Variants in GAB2 observed in about 807,000 individuals in gnomAD.
The protein encoded by GAB2 is GRB2 associated binding protein 2, also known as GRB2-associated-binding protein 2.
Under a neutral mutation model 65.5 loss-of-function variants are expected in GAB2, and 26 were observed. The ratio of observed to expected loss-of-function variants is 0.40; its 90% confidence interval spans 0.29 to 0.55. GAB2 has a LOEUF of 0.55. Ranked by LOEUF, GAB2 falls within the 20% of genes least tolerant of loss-of-function variation. The pLI is 0.53. For synonymous variants in GAB2, 321 were observed against 329.6 expected (o/e 0.97, Z 0.28); for missense variants, 884 against 875.8 (o/e 1.01, Z -0.12).
intron 1 of GAB2, among the ~76,000 whole-genome samples, chr11:78,313,536 T>C (rs1455315891): frequency 6.6e-6 from 1 of 152,210 alleles, no homozygotes; most frequent in Non-Finnish European, 1.5e-5. Flanking sequence ...CCAGGGATCA[T>C]GTGCAAGACC....
chr11:78,309,964 G>A (rs1254313181), intron 1 of GAB2, among the ~76,000 whole-genome samples: 1 of 144,348 alleles, frequency 6.9e-6, no homozygotes, highest in Non-Finnish European at 1.5e-5. Flanking sequence ...GTGTGTGTGT[G>A]TGTGTGTGCG....
At chr11:78,263,646 A>AG (rs1284665600) in intron 2 of GAB2, among the ~76,000 whole-genome samples, 1 of 151,700 alleles carries the variant, frequency 6.6e-6, no homozygotes, top group Non-Finnish European at 1.5e-5. Flanking sequence ...GAAAAAAAAA[A>AG]AAAAAAAATC....
Position 78,398,133 on chromosome 11 carries a change from A to C in GAB2, c.75+19513T>G, listed in dbSNP as rs115824208. On this transcript the variant is annotated intron_variant, in intron 1 of 9. Coordinates refer to ENST00000361507, the MANE Select transcript of GAB2 (RefSeq NM_080491.3). ...ACAATCCTCATGATACTATACGTAA[A>C]ACTTAGCACTTTCCCCTGCTCTTGC... Among the ~76,000 whole-genome samples the C allele has an allele frequency of 1.8e-3, 270 of 152,300 alleles. 2 individuals carry two copies. Among genetic ancestry groups the C allele is most frequent in the Middle Eastern group, 6.8e-3 (2 of 294 alleles).
chr11:78,241,994 ATTC>A (rs547493206), intron 3 of GAB2, among the ~76,000 whole-genome samples: 62 of 152,240 alleles, frequency 4.1e-4, no homozygotes, highest in Non-Finnish European at 7.5e-4. Flanking sequence ...GCAGAGTATA[ATTC>A]TTCTCATTAG....
At chr11:78,377,908 C>G (rs1242819702) in intron 1 of GAB2, among the ~76,000 whole-genome samples, 1 of 152,184 alleles carries the variant, frequency 6.6e-6, no homozygotes, top group Non-Finnish European at 1.5e-5. Context: ...ACTTGTTTTA[C>G]TATCCAGCAC....
At chr11:78,349,759 C>A (rs570737098) in intron 1 of GAB2, among the ~76,000 whole-genome samples, 1 of 151,988 alleles carries the variant, frequency 6.6e-6, no homozygotes, top group East Asian at 1.9e-4. Flanking sequence ...GTGGGGTACA[C>A]CTCTGCTTCT....
intron 2 of GAB2, among the ~76,000 whole-genome samples, chr11:78,263,407 G>A (rs1865786820): frequency 6.6e-6 from 1 of 152,130 alleles, no homozygotes; most frequent in African/African-American, 2.4e-5. Context: ...GCCAAGGCGG[G>A]CAGATGACGA....
At chr11:78,270,329 G>A (rs1034245199) in intron 2 of GAB2, among the ~76,000 whole-genome samples, 3 of 136,038 alleles carry the variant, frequency 2.2e-5, no homozygotes, top group Non-Finnish European at 4.6e-5. Context: ...GCGAGACTCC[G>A]TCTTAAAAAA....
intron 1 of GAB2, among the ~76,000 whole-genome samples, chr11:78,283,884 C>CT (rs373850469): frequency 1.5e-3 from 218 of 146,342 alleles, no homozygotes; most frequent in Non-Finnish European, 1.6e-3. Context: ...TTCTGAGATT[C>CT]TTTTTTTTTT....
intron 1 of GAB2, among the ~76,000 whole-genome samples, chr11:78,390,203 G>A (rs1297849586): frequency 1.3e-5 from 2 of 152,220 alleles, no homozygotes; most frequent in East Asian, 3.8e-4. Flanking sequence ...TTTACAAAGG[G>A]TTTGAAATAA....
intron 2 of GAB2, among the ~76,000 whole-genome samples, chr11:78,262,635 G>A (rs925049837): frequency 2.0e-4 from 31 of 152,088 alleles, no homozygotes; most frequent in African/African-American, 6.5e-4. Context: ...CAGTCCCGGG[G>A]GTCCCAATAA....
intron 3 of GAB2, among the ~76,000 whole-genome samples, chr11:78,230,432 T>G (rs1270905296): frequency 6.6e-6 from 1 of 152,274 alleles, no homozygotes; most frequent in Non-Finnish European, 1.5e-5. Context: ...AGAAGCCTTT[T>G]CACTCTACAA....
At chr11:78,348,385 C>G (rs906060870) in intron 1 of GAB2, among the ~76,000 whole-genome samples, 5 of 152,078 alleles carry the variant, frequency 3.3e-5, no homozygotes, top group African/African-American at 1.2e-4. Flanking sequence ...ACTTGTACAA[C>G]TCAGTAAGAA....
intron 1 of GAB2, among the ~76,000 whole-genome samples, chr11:78,300,516 T>TAAAA (rs138790128): frequency 0.01 from 1,442 of 142,856 alleles, 26 homozygotes; most frequent in African/African-American, 0.032. Flanking sequence ...TTTAATTTTA[T>TAAAA]AAAAAAACAA....
At chr11:78,391,786 CCT>C (rs1856836947) in intron 1 of GAB2, among the ~76,000 whole-genome samples, 1 of 152,204 alleles carries the variant, frequency 6.6e-6, no homozygotes, top group Admixed American at 6.5e-5. Context: ...CCTGCCATGC[CCT>C]CTCTGAATTC....
intron 1 of GAB2, among the ~76,000 whole-genome samples, chr11:78,356,182 GA>G (rs372223300): frequency 0.02 from 2,410 of 122,940 alleles, 64 homozygotes; most frequent in Admixed American, 0.075. Context: ...CAAAAAAAAA[GA>G]AAAAAAAAAA....
At chr11:78,271,016 C>T (rs1254135599) in intron 2 of GAB2, among the ~76,000 whole-genome samples, 1 of 152,208 alleles carries the variant, frequency 6.6e-6, no homozygotes, top group Non-Finnish European at 1.5e-5. Flanking sequence ...AGAATAGCTA[C>T]TGAATAAATG....
chr11:78,309,926 ATGTGTGTGTGTG>A (rs60718900), intron 1 of GAB2, among the ~76,000 whole-genome samples: 2,650 of 135,604 alleles, frequency 0.02, 37 homozygotes, highest in Non-Finnish European at 0.025. Context: ...AGGGTTAGAA[ATGTGTGTGTGTG>A]TGTGTGTGTG....
intron 1 of GAB2, among the ~76,000 whole-genome samples, chr11:78,302,109 A>G (rs1867038143): frequency 2.0e-5 from 3 of 152,138 alleles, no homozygotes; most frequent in African/African-American, 7.2e-5. Flanking sequence ...CAGAAGAAAA[A>G]CCCTTCTAGA....
Sources: gnomAD v4.1 joint callset for allele counts (sites outside exome capture counted in the v4.1 genomes callset) on GRCh38, gnomAD v4.1.1 for gene constraint, MANE v1.5 for transcripts, NCBI Gene and HGNC (gene_info 2026-07-23, HGNC 2026-07-21) for gene names.